The following BRD10 variants were observed in gnomAD, a reference collection of about 807,000 sequenced individuals.
The protein encoded by BRD10 is bromodomain containing 10, also known as uncharacterized bromodomain-containing protein 10.
At chr9:5,950,714 G>A in the BRD10 span, among the ~76,000 whole-genome samples, 2 of 151,968 alleles carry the variant, frequency 1.3e-5, no homozygotes, top group Non-Finnish European at 1.5e-5. Context: ...GTCGTCCCTC[G>A]GTATCCGTGG....
chr9:5,957,216 T>TA, the BRD10 span, among the ~76,000 whole-genome samples: 1 of 152,152 alleles, frequency 6.6e-6, no homozygotes, highest in African/African-American at 2.4e-5. Context: ...AGGTAGGTAA[T>TA]AACTCTACTG....
the BRD10 span, among the ~76,000 whole-genome samples, chr9:5,951,833 A>C: frequency 6.6e-6 from 1 of 152,082 alleles, no homozygotes; most frequent in South Asian, 2.1e-4. Context: ...TTTCCCTGTG[A>C]GACAGTTGCC....
chr9:5,904,987 A>G, the BRD10 span, among the ~76,000 whole-genome samples: 1 of 150,844 alleles, frequency 6.6e-6, no homozygotes, highest in Non-Finnish European at 1.5e-5. Context: ...GTTAGCCAGG[A>G]TGGTCTCAAT....
the BRD10 span, among the ~76,000 whole-genome samples, chr9:5,971,898 C>T: frequency 6.6e-6 from 1 of 151,612 alleles, no homozygotes; most frequent in Admixed American, 6.6e-5. Flanking sequence ...TTTTTGTCTT[C>T]ACAATAGGAG....
At chr9:5,886,069 G>A in the BRD10 span, among the ~76,000 whole-genome samples, 7 of 152,190 alleles carry the variant, frequency 4.6e-5, no homozygotes, top group East Asian at 7.7e-4. Flanking sequence ...GCGGAAGCCC[G>A]AGCAGCCGGC....
At chr9:6,006,886 T>C in the BRD10 span, among the ~76,000 whole-genome samples, 1 of 152,238 alleles carries the variant, frequency 6.6e-6, no homozygotes, top group South Asian at 2.1e-4. Flanking sequence ...CCACAAAAAC[T>C]GTTCCTCTGC....
chr9:5,933,821 T>A, the BRD10 span: 1 of 471,122 alleles, frequency 2.1e-6, no homozygotes, highest in African/African-American at 2.0e-5. Context: ...AGCATAACAC[T>A]GGCTGGAGTG....
the BRD10 span, among the ~76,000 whole-genome samples, chr9:5,881,162 T>A: frequency 1.3e-5 from 2 of 152,092 alleles, no homozygotes; most frequent in Admixed American, 1.3e-4. Flanking sequence ...CTATTTAAGG[T>A]CTGGGGGCTA....
the BRD10 span, among the ~76,000 whole-genome samples, chr9:5,925,337 C>T: frequency 1.4e-5 from 2 of 138,780 alleles, no homozygotes; most frequent in Non-Finnish European, 3.0e-5. Flanking sequence ...CCAGCCTGGG[C>T]GACAGAGCGA....
chr9:6,007,538 G>A, the BRD10 span: 1 of 1,613,058 alleles, frequency 6.2e-7, no homozygotes, highest in Admixed American at 1.7e-5. Context: ...CCCAGGATGC[G>A]GTAGCCCTGC....
chr9:5,951,077 C>T, the BRD10 span, among the ~76,000 whole-genome samples: 3 of 141,864 alleles, frequency 2.1e-5, no homozygotes, highest in Admixed American at 7.0e-5. Context: ...CACACACACA[C>T]CCCCACCCCA....
At chr9:5,930,244 T>C in the BRD10 span, among the ~76,000 whole-genome samples, 1 of 151,570 alleles carries the variant, frequency 6.6e-6, no homozygotes, top group East Asian at 1.9e-4. Context: ...TAAACAGATT[T>C]TGTCCTACAG....
the BRD10 span, among the ~76,000 whole-genome samples, chr9:5,896,110 C>T: frequency 2.4e-4 from 37 of 152,228 alleles, no homozygotes; most frequent in Non-Finnish European, 1.0e-4. Flanking sequence ...TGCTCACTTG[C>T]TTGGTCTCCC....
At chr9:5,914,410 G>GTTTTT in the BRD10 span, among the ~76,000 whole-genome samples, 34 of 75,484 alleles carry the variant, frequency 4.5e-4, 3 homozygotes, top group African/African-American at 1.4e-3. Context: ...AATCCAGATG[G>GTTTTT]TTTTTTTTTT....
At chr9:5,936,030 T>A in the BRD10 span, among the ~76,000 whole-genome samples, 12 of 152,226 alleles carry the variant, frequency 7.9e-5, no homozygotes, top group African/African-American at 2.9e-4. Context: ...TAAGACCTGC[T>A]TTTACTTATT....
the BRD10 span, among the ~76,000 whole-genome samples, chr9:5,907,982 T>G: frequency 6.6e-6 from 1 of 152,010 alleles, no homozygotes; most frequent in Non-Finnish European, 1.5e-5. Flanking sequence ...TAAAATTACA[T>G]AAGTGGCTTG....
the BRD10 span, among the ~76,000 whole-genome samples, chr9:5,887,450 A>C: frequency 6.6e-6 from 1 of 152,130 alleles, no homozygotes; most frequent in Non-Finnish European, 1.5e-5. Context: ...ATCACCAGAG[A>C]ACTTGAATGA....
chr9:5,996,274 G>A, the BRD10 span, among the ~76,000 whole-genome samples: 3 of 151,116 alleles, frequency 2.0e-5, no homozygotes, highest in Non-Finnish European at 2.9e-5. Context: ...ATGACATAAC[G>A]CCCCAAAGAA....
chr9:5,988,272 TG>T, the BRD10 span: 2 of 1,066,316 alleles, frequency 1.9e-6, no homozygotes, highest in Admixed American at 3.6e-5. Flanking sequence ...ACTACTAAAA[TG>T]GGCCCAGAAA....
Sources: allele counts gnomAD v4.1 joint callset (sites outside exome capture counted in the v4.1 genomes callset), GRCh38; gene constraint gnomAD v4.1.1; transcripts MANE v1.5; gene names NCBI Gene and HGNC (gene_info 2026-07-23, HGNC 2026-07-21).